The following MACF1 variants were observed in gnomAD, a reference collection of about 807,000 sequenced individuals.
MACF1 encodes the protein microtubule-actin cross-linking factor 1.
A neutral mutation model predicts 854.8 loss-of-function variants in MACF1; 193 were observed. That is an observed-to-expected ratio of 0.23 (90% CI 0.20 to 0.25). MACF1 has a LOEUF of 0.25. Ranked by LOEUF, MACF1 falls within the 10% of genes least tolerant of loss-of-function variation. The pLI, the probability that MACF1 is intolerant of heterozygous loss-of-function variation, is 1.00. For synonymous variants in MACF1, 3,185 were observed against 3,226.7 expected (o/e 0.99, Z 0.44); for missense variants, 7,722 against 8,929.1 (o/e 0.86, Z 5.45).
chr1:39,475,967 A>G lies in MACF1; in HGVS notation c.21959-3831A>G, dbSNP rs533951094. ...CAAGGGAGCAGGCGTCCTTGAAGCC[A>G]GGGGAGGACAGGGTTTCAAAAACAA... On this transcript the variant is annotated intron_variant, in intron 97 of 100. Transcript: ENST00000564288. Among the ~76,000 whole-genome samples the G allele has an allele frequency of 2.2e-3, 327 of 151,972 alleles. 3 individuals carry two copies. Among genetic ancestry groups the G allele is most frequent in the African/African-American group, 5.8e-3 (240 of 41,472 alleles).
chr1:39,324,641 T>C lies in MACF1; in HGVS notation c.4390-5T>C, dbSNP rs778295423. On this transcript the variant is annotated splice_region_variant and splice_polypyrimidine_tract_variant and intron_variant, in intron 34 of 100. Transcript: ENST00000564288. Reference sequence around the variant, plus strand: ...AAGCTTTTTCTCTTTATTTCTACCATGTAGGTTCTGTCAGAAGAGCTGACA... The same window carrying C: ...AAGCTTTTTCTCTTTATTTCTACCACGTAGGTTCTGTCAGAAGAGCTGACA... The C allele has an allele frequency of 1.9e-6, 3 of 1,608,260 alleles. No individual in the cohort carries two copies. The highest frequency in any genetic ancestry group is 2.2e-5 in the South Asian group (2 of 90,360).
Position 39,105,637 on chromosome 1 carries a change from T to C in MACF1, c.220+21199T>C. ...GTGCGGGCGGCCATGGCCGGCTACG[T>C]GCCGGGTCAGCAGCCGGCCAACCGC... On this transcript the variant is annotated intron_variant, in intron 2 of 93. Transcript: ENST00000361689. This position sits in a 1 kb window ranked among gnomAD's most constrained non-coding sequence, Gnocchi z 5.9. The C allele has an allele frequency of 8.1e-7, 1 of 1,232,464 alleles. No homozygotes were observed. 76.3% of individuals were successfully genotyped at this position (1,232,464 alleles called of 1,614,324 possible).
rs1193565624 is a variant in MACF1 at position 39,479,898 on chromosome 1, A to T, written c.22059A>T (p.Lys7353Asn). The change falls in exon 98 of 101, where the codon AAA becomes AAT. Residue 7353 changes from lysine to asparagine, a missense_variant. Physicochemically the swap from Lys to Asn is moderately conservative, Grantham distance 94. Coordinates refer to ENST00000564288, the MANE Select transcript of MACF1 (RefSeq NM_001394062.1). Reference sequence around the variant, plus strand: ...TCCGCTCACGGGGTCGAAGGTCCAAACCATCTTCCCGGGCAGCTTCCCCTA... The same window carrying T: ...TCCGCTCACGGGGTCGAAGGTCCAATCCATCTTCCCGGGCAGCTTCCCCTA... ...TPFRSRGRRS[K>N]PSSRAASPTR... The T allele has an allele frequency of 6.2e-7, 1 of 1,614,088 alleles. No homozygotes were observed. The highest frequency in any genetic ancestry group is 8.5e-7 in the Non-Finnish European group (1 of 1,180,044).
chr1:39,351,408 A>C (rs1482533450), intron 43 of MACF1, among the ~76,000 whole-genome samples: 1 of 152,090 alleles, frequency 6.6e-6, no homozygotes, highest in African/African-American at 2.4e-5. Flanking sequence ...TTTTACAAGA[A>C]ATGTCCAGGA....
chr1:39,441,758 T>G (rs902022685), intron 74 of MACF1, among the ~76,000 whole-genome samples, 194 bp from the exon 75 acceptor site: 7 of 152,220 alleles, frequency 4.6e-5, no homozygotes, highest in South Asian at 4.1e-4. Flanking sequence ...ATCTTGATAA[T>G]GTTGGCTCCA....
At chr1:39,412,462 G>A (rs1005503643) in intron 58 of MACF1, 1 of 1,614,028 alleles carries the variant, frequency 6.2e-7, no homozygotes, top group African/African-American at 1.3e-5. Flanking sequence ...ACTTTTGGAG[G>A]ATCAAGCTCC....
At chr1:39,464,618 A>C (rs1012655321) in intron 94 of MACF1, 4 of 159,318 alleles carry the variant, frequency 2.5e-5, no homozygotes, top group Admixed American at 2.5e-4. Flanking sequence ...TTATAAAACC[A>C]CATCCCTGGC....
At chr1:39,233,793 T>G (rs577596942) in intron 2 of MACF1, among the ~76,000 whole-genome samples, 1 of 89,470 alleles carries the variant, frequency 1.1e-5, no homozygotes, top group Non-Finnish European at 2.7e-5. Flanking sequence ...TTTTTTTTTT[T>G]TTTTATTTAT....
At chr1:39,238,386 T>A (rs1001059130) in intron 2 of MACF1, among the ~76,000 whole-genome samples, 2 of 152,162 alleles carry the variant, frequency 1.3e-5, no homozygotes, top group Admixed American at 1.3e-4. Context: ...TGACAGCTTA[T>A]ATTATAGAAC....
intron 14 of MACF1, among the ~76,000 whole-genome samples, chr1:39,286,900 C>G (rs1049001062): frequency 4.6e-5 from 7 of 152,170 alleles, no homozygotes; most frequent in African/African-American, 7.2e-5. Flanking sequence ...ATAATATCAC[C>G]TTGTATTCAT....
chr1:39,429,845 T>C lies in MACF1; in HGVS notation c.16907T>C (p.Ile5636Thr), dbSNP rs375048326. The change falls in exon 65 of 101, where the codon ATC becomes ACC. Residue 5636 changes from isoleucine (I) to threonine (T), a missense_variant. Ile to Thr is a moderately conservative substitution (Grantham distance 89). Around this residue, in one of 15 missense-constraint regions of MACF1, gnomAD observed 2,807 missense variants for 3,235.8 expected, o/e 0.87. Transcript: ENST00000564288. ...KQTTGEEVLL[I>T]QEKLDGIKTR... The stretch of plus-strand genomic sequence containing the variant: ...TCCATAGGTGAGGAGGTGTTACTTA[T>C]CCAGGAAAAACTAGATGGTATAAAG... 1.2e-5 allele frequency: 20 copies of C among 1,613,894 alleles called. No individual in the cohort carries two copies. Among genetic ancestry groups the C allele is most frequent in the African/African-American group, 4.0e-5 (3 of 74,872 alleles).
chr1:39,485,746 TAAG>T lies in MACF1; in HGVS notation c.22625_22627del (p.Lys7542del). 6.2e-7 allele frequency: 1 copy of T among 1,612,878 alleles called. No individual in the cohort carries two copies. The highest frequency in any genetic ancestry group is 8.5e-7 in the Non-Finnish European group (1 of 1,179,054). ...AACCTTCCAAAATCCCAACCATGTCTAAGAAGACCACCACTGCCTCCCCCAGGA... is the reference window on the plus strand; with the variant it reads ...AACCTTCCAAAATCCCAACCATGTCTAAGACCACCACTGCCTCCCCCAGGA... On this transcript the variant is annotated inframe_deletion, in exon 101 of 101. Coordinates refer to ENST00000564288, the MANE Select transcript of MACF1 (RefSeq NM_001394062.1).
intron 2 of MACF1, among the ~76,000 whole-genome samples, chr1:39,131,745 A>G (rs530951094): frequency 4.5e-4 from 69 of 152,362 alleles, no homozygotes; most frequent in African/African-American, 1.4e-3. Flanking sequence ...GGATAAAGAA[A>G]GGAATTTTTG....
chr1:39,363,968 C>T (rs183590207), intron 49 of MACF1, among the ~76,000 whole-genome samples: 2 of 152,272 alleles, frequency 1.3e-5, no homozygotes, highest in South Asian at 2.1e-4. Flanking sequence ...TGTGCTATTA[C>T]TACTGAATAG....
intron 58 of MACF1, among the ~76,000 whole-genome samples, chr1:39,418,572 C>T (rs1289188502): frequency 6.6e-6 from 1 of 152,152 alleles, no homozygotes; most frequent in Non-Finnish European, 1.5e-5. Flanking sequence ...TGGAAAAATG[C>T]AATAACAAGG....
At chr1:39,473,097 T>C (rs568075624) in intron 97 of MACF1, among the ~76,000 whole-genome samples, 1 of 152,330 alleles carries the variant, frequency 6.6e-6, no homozygotes, top group East Asian at 1.9e-4. Context: ...ACAGAGACTG[T>C]CTCATTATGT....
At chr1:39,146,552 G>T (rs1341810664) in intron 2 of MACF1, among the ~76,000 whole-genome samples, 1 of 152,104 alleles carries the variant, frequency 6.6e-6, no homozygotes. Context: ...CAACAACATG[G>T]ATGGAACTGG....
rs753264049 is a variant in MACF1, at chr1:39,333,179, A to G, written c.6591A>G (p.Lys2197=). Reference sequence around the variant, plus strand: ...GATCTCACATAAAACCCCAAAGCAAAAAGTTACAAGTTCAGGTAAAGAAAA... The same window carrying G: ...GATCTCACATAAAACCCCAAAGCAAGAAGTTACAAGTTCAGGTAAAGAAAA... The part of the protein sequence containing the change: ...TGGSHIKPQS[K]KLQVQVKKTL... Residue 2197 remains lysine (K), a synonymous_variant, in exon 37 of 101, where the codon AAA becomes AAG. Transcript: ENST00000564288. The G allele has an allele frequency of 4.3e-6, 7 of 1,612,962 alleles. No individual in the cohort carries two copies. Among genetic ancestry groups the G allele is most frequent in the Middle Eastern group, 1.6e-4 (1 of 6,076 alleles).
intron 61 of MACF1, among the ~76,000 whole-genome samples, chr1:39,427,026 CT>C (rs1378952403): frequency 6.6e-6 from 1 of 152,102 alleles, no homozygotes; most frequent in Non-Finnish European, 1.5e-5. Context: ...AAACAGACAA[CT>C]TTTTGCCTCC....
Sources: gnomAD v4.1 joint callset for allele counts (sites outside exome capture counted in the v4.1 genomes callset) on GRCh38, gnomAD v4.1.1 for gene constraint, gnomAD v4.1.1 regional missense constraint, Gnocchi (gnomAD v3.1) non-coding constraint, MANE v1.5 for transcripts, NCBI Gene and HGNC (gene_info 2026-07-23, HGNC 2026-07-21) for gene names.